Variants in ZFHX3 observed in about 807,000 individuals in gnomAD.
ZFHX3 encodes zinc finger homeobox protein 3.
In ZFHX3, 42 loss-of-function variants were observed where a neutral mutation model predicts 279.1. The observed-to-expected ratio is 0.15, with a 90% CI of 0.12 to 0.19. The LOEUF is 0.19. Among genes scored for constraint, ZFHX3 ranks in the 10% least tolerant of loss-of-function variants. The pLI, the probability that ZFHX3 is intolerant of heterozygous loss-of-function variation, is 1.00. For synonymous variants in ZFHX3, 2,293 were observed against 1,957.8 expected (o/e 1.17, Z -4.52); for missense variants, 4,981 against 4,754.0 (o/e 1.05, Z -1.40).
At chr16:73,230,548 G>A (rs2012741124) in intron 5 of ZFHX3, among the ~76,000 whole-genome samples, 1 of 152,198 alleles carries the variant, frequency 6.6e-6, no homozygotes, top group Admixed American at 6.5e-5. Flanking sequence ...GGAGAAAAGT[G>A]ACTTCACTGG....
In ZFHX3 at chr16:72,787,467, G is replaced by C; in HGVS notation, c.10809C>G (p.Ala3603=). The change falls in exon 10 of 10, where the codon GCC becomes GCG. Residue 3603 remains alanine, a synonymous_variant. Coordinates refer to ENST00000268489, the MANE Select transcript of ZFHX3 (RefSeq NM_006885.4). Reference sequence around the variant, plus strand: ...CGTGGGGGGAAGCGGAGGAGGGGGCGGCGGCCGACGGGGGAGGGGGGCTGT... The same window carrying C: ...CGTGGGGGGAAGCGGAGGAGGGGGCCGCGGCCGACGGGGGAGGGGGGCTGT... ...SNDSPPPPSA[A]APSSASPHAS... is the part of the protein sequence containing the mutation. 1.2e-6 allele frequency: 2 copies of C among 1,603,808 alleles called. No homozygotes were observed. The highest frequency in any genetic ancestry group is 2.2e-5 in the East Asian group (1 of 44,588).
At chr16:73,479,260 C>G (rs766857916) in intron 2 of ZFHX3, among the ~76,000 whole-genome samples, 1 of 152,152 alleles carries the variant, frequency 6.6e-6, no homozygotes, top group Non-Finnish European at 1.5e-5. Flanking sequence ...TTACCAACCT[C>G]CAGACCCAGC....
At chr16:73,463,672 G>A (rs1948142851) in intron 2 of ZFHX3, among the ~76,000 whole-genome samples, 1 of 152,164 alleles carries the variant, frequency 6.6e-6, no homozygotes, top group Non-Finnish European at 1.5e-5. Flanking sequence ...CTATTGGAAA[G>A]TGAATCAGAC....
intron 1 of ZFHX3, among the ~76,000 whole-genome samples, chr16:73,805,173 T>C (rs950463873): frequency 2.0e-5 from 3 of 152,102 alleles, no homozygotes; most frequent in African/African-American, 7.2e-5. Context: ...ATTTTTATTA[T>C]ATTTTATTTT....
intron 4 of ZFHX3, among the ~76,000 whole-genome samples, chr16:73,279,919 G>C (rs1430175551): frequency 6.6e-6 from 1 of 152,188 alleles, no homozygotes; most frequent in African/African-American, 2.4e-5. Flanking sequence ...GTGAAAAACA[G>C]ATACATAGAC....
chr16:73,779,341 G>T (rs1246418600), intron 1 of ZFHX3, among the ~76,000 whole-genome samples: 2 of 152,168 alleles, frequency 1.3e-5, no homozygotes, highest in African/African-American at 4.8e-5. Context: ...TAATTTTTAA[G>T]TTAGTGATGA....
rs140573350 is a variant in ZFHX3, at chr16:72,788,709, C to T, written c.9567G>A (p.Ala3189=). ...SSPTPAQATM[A]MGPQQPPQQQ... The stretch of plus-strand genomic sequence containing the variant: ...GCTGGGGGGGTTGCTGAGGGCCCAT[C>T]GCCATCGTGGCTTGTGCTGGGGTTG... Residue 3189 remains alanine, a synonymous_variant, in exon 10 of 10, where the codon GCG becomes GCA. Transcript: ENST00000268489. 344 of 1,610,940 alleles carry T rather than the reference C, an allele frequency of 2.1e-4. No individual in the cohort carries two copies. The African/African-American group carries it at 4.1e-3, about 19-fold the overall frequency.
chr16:73,802,638 G>C (rs888525713), intron 1 of ZFHX3, among the ~76,000 whole-genome samples: 2 of 152,178 alleles, frequency 1.3e-5, no homozygotes, highest in East Asian at 3.9e-4. Context: ...ATGTCACACT[G>C]TAGGCACAAA....
chr16:73,592,693 C>T (rs1370375476), intron 2 of ZFHX3, among the ~76,000 whole-genome samples: 1 of 151,840 alleles, frequency 6.6e-6, no homozygotes, highest in African/African-American at 2.4e-5. Context: ...GTTCATTTTA[C>T]TCTTCTTGCT....
intron 2 of ZFHX3, among the ~76,000 whole-genome samples, chr16:73,503,585 T>C (rs1429309529): frequency 6.6e-6 from 1 of 152,184 alleles, no homozygotes; most frequent in African/African-American, 2.4e-5. Context: ...TCAATTACCA[T>C]TGTGTCAGTT....
At chr16:73,501,374 C>T (rs1000936128) in intron 2 of ZFHX3, among the ~76,000 whole-genome samples, 13 of 152,084 alleles carry the variant, frequency 8.5e-5, no homozygotes, top group Non-Finnish European at 1.3e-4. Context: ...TGTGGGGCTT[C>T]GATATTAAAT....
intron 5 of ZFHX3, among the ~76,000 whole-genome samples, chr16:73,160,149 C>T (rs553651884): frequency 6.6e-6 from 1 of 152,258 alleles, no homozygotes; most frequent in African/African-American, 2.4e-5. Context: ...TGGCAGTGCT[C>T]CCTTTCTGGG....
chr16:73,085,263 T>C (rs1030631125), intron 8 of ZFHX3, among the ~76,000 whole-genome samples: 1 of 152,178 alleles, frequency 6.6e-6, no homozygotes, highest in Non-Finnish European at 1.5e-5. Flanking sequence ...ACTCATTTTA[T>C]TATTATTGTT....
At chr16:73,101,583 G>T (rs975735107) in intron 7 of ZFHX3, among the ~76,000 whole-genome samples, 9 of 151,442 alleles carry the variant, frequency 5.9e-5, no homozygotes, top group Non-Finnish European at 1.0e-4. Flanking sequence ...TTTATTTTTA[G>T]TAGAGGTGGG....
At chr16:73,100,593 A>G (rs1160177688) in intron 7 of ZFHX3, among the ~76,000 whole-genome samples, 12 of 129,550 alleles carry the variant, frequency 9.3e-5, no homozygotes, top group African/African-American at 3.6e-4. Flanking sequence ...TTTTTTTTTG[A>G]GACGGAGTCT....
intron 1 of ZFHX3, among the ~76,000 whole-genome samples, chr16:73,022,531 C>T (rs1363379702): frequency 1.3e-5 from 2 of 152,178 alleles, no homozygotes; most frequent in Non-Finnish European, 1.5e-5. Context: ...GGCCTCTACA[C>T]TGGATGCCAG....
chr16:73,111,282 G>GT (rs1399286983), intron 7 of ZFHX3, among the ~76,000 whole-genome samples: 2 of 151,986 alleles, frequency 1.3e-5, no homozygotes, highest in Non-Finnish European at 2.9e-5. Flanking sequence ...TTTTGTTTTT[G>GT]TTTTTTCCCT....
upstream of ZFHX3, chr16:73,061,195 C>A (rs778042289): frequency 6.6e-6 from 1 of 152,054 alleles, no homozygotes; most frequent in Non-Finnish European, 1.5e-5. Flanking sequence ...CTTGCAAAAC[C>A]TTTGTCATTT....
In ZFHX3 at chr16:73,075,364, A is replaced by G. The variant is rs909154442; in HGVS notation, c.-532-16352T>C. Among the ~76,000 whole-genome samples, 4 of 152,224 alleles carry G rather than the reference A, an allele frequency of 2.6e-5. No individual in the cohort carries two copies. The South Asian group carries it at 8.3e-4, about 32-fold the overall frequency. ...GGGAGGGAGAGGGGACATAATATCT[A>G]CTGCTGAGCCTGTGGGCTGGGCTAG... is the stretch of plus-strand genomic sequence containing the variant. On this transcript the variant is annotated intron_variant, in intron 8 of 17. Coordinates refer to the ZFHX3 transcript ENST00000641206.
Sources: gnomAD v4.1 joint callset for allele counts (sites outside exome capture counted in the v4.1 genomes callset) on GRCh38, gnomAD v4.1.1 for gene constraint, MANE v1.5 for transcripts, NCBI Gene and HGNC (gene_info 2026-07-23, HGNC 2026-07-21) for gene names.